The following RUBCNL variants were observed in gnomAD, a reference collection of about 807,000 sequenced individuals.
RUBCNL encodes rubicon like autophagy enhancer, also known as protein associated with UVRAG as autophagy enhancer.
RUBCNL carries 62 observed loss-of-function variants against 69.5 expected under a neutral mutation model. The observed-to-expected ratio is 0.89, with a 90% CI of 0.73 to 1.10. The LOEUF (loss-of-function observed/expected upper bound fraction) is 1.10. RUBCNL is among the 50% of genes least tolerant of loss of function. The pLI, the probability that RUBCNL is intolerant of heterozygous loss-of-function variation, is 0.00. For missense variants in RUBCNL, 768 were observed against 798.1 expected (o/e 0.96, Z 0.45); for synonymous variants, 291 against 303.6 (o/e 0.96, Z 0.43).
chr13:46,377,932 G>A lies in RUBCNL; in HGVS notation c.-165C>T. 1.9e-6 allele frequency: 3 copies of A among 1,610,000 alleles called. No homozygotes were observed. Among genetic ancestry groups the A allele is most frequent in the Middle Eastern group, 3.3e-4 (2 of 6,058 alleles). On this transcript the variant is annotated 5_prime_UTR_variant, in exon 2 of 15. Transcript: ENST00000429979. The stretch of plus-strand genomic sequence containing the variant: ...CGAAGAGGCAGATTGACACAGAGGA[G>A]AAAGTAATGATTGGAAACCATCAAA...
Position 46,371,968 on chromosome 13 carries a change from A to G in RUBCNL, c.508T>C (p.Ser170Pro). 1 of 1,614,012 alleles carries G rather than the reference A, an allele frequency of 6.2e-7. No individual in the cohort carries two copies. Among genetic ancestry groups the G allele is most frequent in the Non-Finnish European group, 8.5e-7 (1 of 1,179,880 alleles). ...PETDSAFFEP[S>P]HLTSAADEGA... ...TCATCAGCAGCAGATGTCAGATGGG[A>G]AGGCTCAAAAAAAGCACTGTCAGTC... The change falls in exon 3 of 15, where the codon TCC becomes CCC. Residue 170 changes from serine (S) to proline (P), a missense_variant. Transcript: ENST00000429979.
At chr13:46,346,415 C>T (rs1278391430) in intron 12 of RUBCNL, among the ~76,000 whole-genome samples, 1 of 112,054 alleles carries the variant, frequency 8.9e-6, no homozygotes. Context: ...TATCTCACTC[C>T]TAACTGAGCT....
At chr13:46,358,485 GTTGTT>G (rs2048539202) in intron 9 of RUBCNL, among the ~76,000 whole-genome samples, 1 of 152,084 alleles carries the variant, frequency 6.6e-6, no homozygotes, top group Non-Finnish European at 1.5e-5. Context: ...CATAATCTTA[GTTGTT>G]TTGTCTTTTA....
chr13:46,371,043 A>G (rs1385633600), intron 3 of RUBCNL, among the ~76,000 whole-genome samples: 1 of 152,258 alleles, frequency 6.6e-6, no homozygotes, highest in Non-Finnish European at 1.5e-5. Flanking sequence ...AAATGTGTTA[A>G]AGACTGTCAT....
chr13:46,351,975 G>A (rs921331504), intron 10 of RUBCNL, among the ~76,000 whole-genome samples: 23 of 151,826 alleles, frequency 1.5e-4, no homozygotes, highest in Non-Finnish European at 2.2e-4. Flanking sequence ...ACTACAGGGC[G>A]TGCCACCATG....
intron 5 of RUBCNL, among the ~76,000 whole-genome samples, chr13:46,365,288 G>A (rs1401130631): frequency 1.0e-5 from 1 of 97,860 alleles, no homozygotes; most frequent in African/African-American, 4.1e-5. Context: ...GGGCAACAGA[G>A]AAAGACTCCA....
Position 46,335,590 on chromosome 13 carries a change from A to T in RUBCNL, c.*7795T>A, listed in dbSNP as rs1268437499. On this transcript the variant is annotated 3_prime_UTR_variant, in exon 15 of 15. Transcript: ENST00000429979. ...ATTGCCACTTGGTAGCTCAACAATT[A>T]TAAAATAGCAGCAATGCTACGTAGT... 1.3e-5 allele frequency among the ~76,000 whole-genome samples: 2 copies of T among 152,250 alleles called. No homozygotes were observed. Among genetic ancestry groups the T allele is most frequent in the Admixed American group, 1.3e-4 (2 of 15,286 alleles).
rs2138806266 is a variant in RUBCNL at position 46,372,462 on chromosome 13, G to A, written c.14C>T (p.Ser5Phe). 1 of 1,605,260 alleles carries A rather than the reference G, an allele frequency of 6.2e-7. No individual in the cohort carries two copies. Among genetic ancestry groups the A allele is most frequent in the Non-Finnish European group, 8.5e-7 (1 of 1,175,672 alleles). Residue 5 changes from serine (S) to phenylalanine (F), a missense_variant, in exon 3 of 15, where the codon TCT (serine) becomes TTT (phenylalanine). Physicochemically the swap from Ser to Phe is radical, Grantham distance 155. Coordinates refer to ENST00000429979, the MANE Select transcript of RUBCNL (RefSeq NM_025113.5). MVSQ[S>F]TVRQDSPVEP... The stretch of plus-strand genomic sequence containing the variant: ...CACAGGAGAATCCTGCCTGACTGTA[G>A]ATTGTGACACCATCTTTCCAGGCTT...
At chr13:46,381,910 T>G (rs2049126201) in intron 1 of RUBCNL, among the ~76,000 whole-genome samples, 1 of 152,160 alleles carries the variant, frequency 6.6e-6, no homozygotes, top group Non-Finnish European at 1.5e-5. Context: ...GCTCTAGTGA[T>G]CCTATTGTCT....
upstream of RUBCNL, chr13:46,387,578 C>G (rs1354711097): frequency 1.0e-6 from 1 of 985,314 alleles, no homozygotes; most frequent in Non-Finnish European, 1.2e-6. Context: ...TTCCCAACCC[C>G]AGATGCCCCC....
chr13:46,386,477 A>G (rs1019234676), intron 1 of RUBCNL, among the ~76,000 whole-genome samples: 1 of 150,436 alleles, frequency 6.6e-6, no homozygotes, highest in Non-Finnish European at 1.5e-5. Flanking sequence ...AAAGTTCTCC[A>G]CGTTTTCCAA....
chr13:46,375,175 T>C (rs2048962233), intron 2 of RUBCNL, among the ~76,000 whole-genome samples: 1 of 152,154 alleles, frequency 6.6e-6, no homozygotes, highest in Admixed American at 6.5e-5. Context: ...GAGCTGCATA[T>C]CAGGGTTCAA....
rs775142393 is a variant in RUBCNL at position 46,359,474 on chromosome 13, GC to G, written c.1265+11del. On this transcript the variant is annotated intron_variant, in intron 9 of 14. Coordinates refer to ENST00000429979, the MANE Select transcript of RUBCNL (RefSeq NM_025113.5). The stretch of plus-strand genomic sequence containing the variant: ...AAATGGATTGGAGGCCCAAGCAACA[GC>G]CCATACTTACTTGAGTGGTGGATGA... The G allele has an allele frequency of 4.4e-6, 7 of 1,602,732 alleles. No individual in the cohort carries two copies. In the South Asian group the frequency reaches 7.9e-5, roughly 18 times the overall value.
At position 46,340,631 on chromosome 13, in the gene RUBCNL, G is replaced by C. The variant is rs544326934; in HGVS notation, c.*2754C>G. On this transcript the variant is annotated 3_prime_UTR_variant, in exon 15 of 15. Transcript: ENST00000429979. ...AGGTTAATTTGGCTTATGGTTCTGCGGGCTGTACAAGCATCGCACCAATAT... is the reference window on the plus strand; with the variant it reads ...AGGTTAATTTGGCTTATGGTTCTGCCGGCTGTACAAGCATCGCACCAATAT... Among the ~76,000 whole-genome samples the C allele has an allele frequency of 6.6e-6, 1 of 152,130 alleles. No homozygotes were observed. Among genetic ancestry groups the C allele is most frequent in the African/African-American group, 2.4e-5 (1 of 41,422 alleles).
intron 8 of RUBCNL, among the ~76,000 whole-genome samples, chr13:46,360,286 C>T (rs2048582053): frequency 6.6e-6 from 1 of 152,036 alleles, no homozygotes; most frequent in South Asian, 2.1e-4. Flanking sequence ...TGCAGTGAGT[C>T]GAGCTTGTGC....
chr13:46,356,324 A>C, intron 10 of RUBCNL, 108 bp downstream of exon 10: 1 of 1,066,912 alleles, frequency 9.4e-7, no homozygotes, highest in Non-Finnish European at 1.4e-6. Flanking sequence ...AGCTCTTATA[A>C]CAACTTCTCA....
At chr13:46,387,268 C>G, upstream of RUBCNL, 3 of 985,462 alleles carry the variant, frequency 3.0e-6, no homozygotes, top group Non-Finnish European at 3.6e-6. Flanking sequence ...GGAGAGCTAC[C>G]GAGGAGGGGA....
chr13:46,362,129 C>CA (rs1013826935), intron 7 of RUBCNL, among the ~76,000 whole-genome samples: 53 of 151,192 alleles, frequency 3.5e-4, no homozygotes, highest in Non-Finnish European at 5.9e-4. Context: ...CCCAGCTATT[C>CA]AGGAGGCTGA....
intron 1 of RUBCNL, among the ~76,000 whole-genome samples, chr13:46,386,741 A>G (rs2138867916): frequency 6.6e-6 from 1 of 152,306 alleles, no homozygotes; most frequent in African/African-American, 2.4e-5. Flanking sequence ...TTGAGGACGA[A>G]AACAGAGAAA....
Sources: allele counts gnomAD v4.1 joint callset (sites outside exome capture counted in the v4.1 genomes callset), GRCh38; gene constraint gnomAD v4.1.1; transcripts MANE v1.5; gene names NCBI Gene and HGNC (gene_info 2026-07-23, HGNC 2026-07-21).